Variants in BRMS1L observed in about 807,000 individuals in gnomAD.
The protein encoded by BRMS1L is breast cancer metastasis-suppressor 1-like protein.
Under a neutral mutation model 50.3 loss-of-function variants are expected in BRMS1L, and 23 were observed. The observed-to-expected ratio is 0.46, with a 90% CI of 0.33 to 0.65. The LOEUF (loss-of-function observed/expected upper bound fraction) is 0.65. BRMS1L is among the 30% of genes least tolerant of loss of function. The pLI is 0.02. For missense variants in BRMS1L, 286 were observed against 386.1 expected, an observed-to-expected ratio of 0.74 and a Z score of 2.17; for synonymous variants, 114 against 126.9, an observed-to-expected ratio of 0.90 and a Z score of 0.69.
At chr14:35,865,593 A>G in intron 7 of BRMS1L, 129 bp from the exon 8 acceptor site, 1 of 705,846 alleles carries the variant, frequency 1.4e-6, no homozygotes, top group South Asian at 1.9e-5. Flanking sequence ...AGAGCAGCTA[A>G]TGGTTATACT....
intron 1 of BRMS1L, 128 bp downstream of exon 1, chr14:35,826,786 C>A: frequency 7.4e-7 from 1 of 1,347,692 alleles, no homozygotes; most frequent in Non-Finnish European, 9.9e-7. Context: ...CGGAGACTGG[C>A]TCTGGGCCCT....
In BRMS1L at chr14:35,838,772, C is replaced by T. The variant is rs531036200; in HGVS notation, c.441+3849C>T. On this transcript the variant is annotated intron_variant, in intron 4 of 9. Coordinates refer to ENST00000216807, the MANE Select transcript of BRMS1L (RefSeq NM_032352.4). ...TTGCTTGTAGATTCTGGATATTAGC[C>T]CTTTGTCAGATGGATAGATTGCAAA... is the stretch of plus-strand genomic sequence containing the variant. Among the ~76,000 whole-genome samples, 8 of 152,002 alleles carry T rather than the reference C, an allele frequency of 5.3e-5. 1 individual carries two copies. In the East Asian group the frequency reaches 1.5e-3, roughly 29 times the overall value.
At chr14:35,853,751 G>A (rs1222974416) in intron 4 of BRMS1L, among the ~76,000 whole-genome samples, 7 of 152,074 alleles carry the variant, frequency 4.6e-5, no homozygotes, top group African/African-American at 2.4e-5. Flanking sequence ...TAATGCTAAC[G>A]TATTTTGAGT....
chr14:35,846,890 G>A lies in BRMS1L; in HGVS notation c.441+11967G>A, dbSNP rs550686307. On this transcript the variant is annotated intron_variant, in intron 4 of 9. Transcript: ENST00000216807. ...GACTCCTTTTTTAAACTCATTTTTT[G>A]GTCTACTTTATCTTTCCCTTACTGA... is the stretch of plus-strand genomic sequence containing the variant. Among the ~76,000 whole-genome samples the A allele has an allele frequency of 1.1e-4, 17 of 151,710 alleles. No homozygotes were observed. The East Asian group carries it at 2.9e-3, about 26-fold the overall frequency.
At chr14:35,857,680 T>G (rs1372250094) in intron 4 of BRMS1L, among the ~76,000 whole-genome samples, 2 of 152,156 alleles carry the variant, frequency 1.3e-5, no homozygotes, top group Non-Finnish European at 2.9e-5. Flanking sequence ...TTATGGAAGC[T>G]GAGGATTTTT....
chr14:35,826,787 TCTGGGCC>T, intron 1 of BRMS1L, 129 bp downstream of exon 1: 3 of 1,352,644 alleles, frequency 2.2e-6, no homozygotes, highest in Non-Finnish European at 3.0e-6. Context: ...GGAGACTGGC[TCTGGGCC>T]CTGGGCTGCA....
At chr14:35,862,775 T>A in intron 5 of BRMS1L, 89 bp downstream of exon 5, 1 of 619,502 alleles carries the variant, frequency 1.6e-6, no homozygotes, top group Non-Finnish European at 2.5e-6. Flanking sequence ...CTTCTAATAT[T>A]AATATTATGT....
At chr14:35,832,909 A>G in intron 2 of BRMS1L, 69 bp from the exon 3 acceptor site, 2 of 1,406,872 alleles carry the variant, frequency 1.4e-6, no homozygotes, top group Non-Finnish European at 2.0e-6. Context: ...CAAATAATGT[A>G]TAGAAATGGC....
intron 1 of BRMS1L, chr14:35,829,892 C>A: frequency 3.4e-6 from 4 of 1,161,374 alleles, no homozygotes; most frequent in Non-Finnish European, 4.3e-6. Flanking sequence ...AAAATGTGGA[C>A]TATAGGACAG....
intron 8 of BRMS1L, 171 bp from the exon 9 acceptor site, chr14:35,867,735 A>G: frequency 2.1e-6 from 1 of 478,982 alleles, no homozygotes; most frequent in Non-Finnish European, 3.3e-6. Context: ...GTGATTATGT[A>G]AAAGAATGTA....
chr14:35,864,952 A>G lies in BRMS1L; in HGVS notation c.640A>G (p.Met214Val). Residue 214 changes from methionine to valine, a missense_variant, in exon 7 of 10, where the codon ATG becomes GTG. Around this residue, in one of 5 missense-constraint regions of BRMS1L, gnomAD observed 160 missense variants for 240.6 expected, o/e 0.66. Coordinates refer to ENST00000216807, the MANE Select transcript of BRMS1L (RefSeq NM_032352.4). ...VVVSGPYIVY[M>V]LQDLDILEDW... ...TATTCAACGTCCATATATAGTTTAT[A>G]TGCTACAAGATCTTGATATTCTTGA... 1 of 1,583,058 alleles carries G rather than the reference A, an allele frequency of 6.3e-7. No individual in the cohort carries two copies. The highest frequency in any genetic ancestry group is 8.6e-7 in the Non-Finnish European group (1 of 1,167,424).
intron 4 of BRMS1L, among the ~76,000 whole-genome samples, chr14:35,847,480 T>C (rs2078151206): frequency 6.6e-6 from 1 of 152,146 alleles, no homozygotes; most frequent in African/African-American, 2.4e-5. Context: ...TAAAAATATT[T>C]TGTAGAGATA....
At chr14:35,844,339 G>C (rs569954890) in intron 4 of BRMS1L, among the ~76,000 whole-genome samples, 18 of 152,260 alleles carry the variant, frequency 1.2e-4, no homozygotes, top group African/African-American at 3.6e-4. Context: ...GGAATCTCCT[G>C]GTCTGTGGGT....
chr14:35,864,005 T>C (rs780248779), intron 6 of BRMS1L, 52 bp downstream of exon 6: 4 of 1,365,086 alleles, frequency 2.9e-6, no homozygotes, highest in Non-Finnish European at 2.1e-6. Flanking sequence ...CGTTTTTCCA[T>C]TGTGCATGCC....
At chr14:35,857,299 G>GTA (rs1302949192) in intron 4 of BRMS1L, among the ~76,000 whole-genome samples, 4 of 146,406 alleles carry the variant, frequency 2.7e-5, no homozygotes, top group South Asian at 2.2e-4. Context: ...GTGTGTGTGT[G>GTA]TGTATATATA....
intron 4 of BRMS1L, among the ~76,000 whole-genome samples, chr14:35,853,097 T>C (rs1458201597): frequency 6.6e-6 from 1 of 152,172 alleles, no homozygotes; most frequent in African/African-American, 2.4e-5. Flanking sequence ...TTATCCTTTT[T>C]TAATGCTCTT....
chr14:35,852,759 G>A (rs564220538), intron 4 of BRMS1L, among the ~76,000 whole-genome samples: 1 of 151,706 alleles, frequency 6.6e-6, no homozygotes, highest in Non-Finnish European at 1.5e-5. Flanking sequence ...GTGAAACCCC[G>A]TCTCTGCTAA....
intron 4 of BRMS1L, among the ~76,000 whole-genome samples, chr14:35,854,483 G>T (rs2078254522): frequency 6.6e-6 from 1 of 152,116 alleles, no homozygotes; most frequent in African/African-American, 2.4e-5. Flanking sequence ...TTTCTGCTGT[G>T]TGTCCAATAT....
chr14:35,859,301 C>T (rs764042146), intron 4 of BRMS1L, among the ~76,000 whole-genome samples: 2 of 152,102 alleles, frequency 1.3e-5, no homozygotes, highest in Non-Finnish European at 2.9e-5. Flanking sequence ...TTAGGAGTAT[C>T]AAAGGATTAT....
Sources: allele counts gnomAD v4.1 joint callset (sites outside exome capture counted in the v4.1 genomes callset), GRCh38; gene constraint gnomAD v4.1.1; regional missense constraint gnomAD v4.1.1; transcripts MANE v1.5; gene names NCBI Gene and HGNC (gene_info 2026-07-23, HGNC 2026-07-21).